The following GRIK1 variants were observed in gnomAD, a reference collection of about 807,000 sequenced individuals.
GRIK1 encodes glutamate ionotropic receptor kainate type subunit 1, also known as glutamate receptor ionotropic, kainate 1.
A neutral mutation model predicts 105.7 loss-of-function variants in GRIK1; 69 were observed. The observed-to-expected ratio is 0.65, with a 90% CI of 0.54 to 0.80. The LOEUF is 0.80. Ranked by LOEUF, GRIK1 falls within the 30% of genes least tolerant of loss-of-function variation. The probability of loss-of-function intolerance (pLI) is 0.00; values close to 1 mark genes in which losing one functional copy is unlikely to be tolerated. For synonymous variants in GRIK1, 438 were observed against 431.3 expected, an observed-to-expected ratio of 1.02 and a Z score of -0.19; for missense variants, 1,109 against 1,167.3, an observed-to-expected ratio of 0.95 and a Z score of 0.73.
In GRIK1 at chr21:29,699,912, G is replaced by A. The variant is rs376130763; in HGVS notation, c.119-5849C>T. On this transcript the variant is annotated intron_variant, in intron 1 of 17. Coordinates refer to ENST00000327783, the MANE Select transcript of GRIK1 (RefSeq NM_001330994.2). ...AATCTGCCCACCTTGGCCTCCCAAA[G>A]TGTTGGGATTACAGGCGTGAGCCAC... Among the ~76,000 whole-genome samples the A allele has an allele frequency of 3.2e-3, 485 of 152,278 alleles. 5 individuals carry two copies. The highest frequency in any genetic ancestry group is 0.011 in the African/African-American group (474 of 41,564).
intron 1 of GRIK1, among the ~76,000 whole-genome samples, chr21:29,894,343 G>A (rs927784494): frequency 1.3e-5 from 2 of 152,088 alleles, no homozygotes; most frequent in South Asian, 2.1e-4. Flanking sequence ...AAAGGCCCAA[G>A]AGCCCCTGGA....
chr21:29,843,856 T>C (rs2068043863), intron 1 of GRIK1, among the ~76,000 whole-genome samples: 1 of 152,184 alleles, frequency 6.6e-6, no homozygotes, highest in African/African-American at 2.4e-5. Flanking sequence ...ATTTACACAC[T>C]CACTCCTTCT....
intron 1 of GRIK1, among the ~76,000 whole-genome samples, chr21:29,831,565 A>T (rs959346211): frequency 1.3e-5 from 2 of 152,142 alleles, no homozygotes; most frequent in Non-Finnish European, 2.9e-5. Context: ...AACATCTTAC[A>T]TGGCCAGAAG....
rs528830566 is a variant in GRIK1 at position 29,722,591 on chromosome 21, A to C, written c.119-28528T>G. ...AAATAAATAAAAGTAAAAAAAAAAA[A>C]AAAACTCCCAAACTAATACTTTTAT... On this transcript the variant is annotated intron_variant, in intron 1 of 17. Coordinates refer to ENST00000327783, the MANE Select transcript of GRIK1 (RefSeq NM_001330994.2). Among the ~76,000 whole-genome samples, 21 of 151,880 alleles carry C rather than the reference A, an allele frequency of 1.4e-4. No homozygotes were observed. In the South Asian group the frequency reaches 1.9e-3, roughly 14 times the overall value.
chr21:29,713,507 T>C (rs909187652), intron 1 of GRIK1, among the ~76,000 whole-genome samples: 1 of 152,206 alleles, frequency 6.6e-6, no homozygotes, highest in African/African-American at 2.4e-5. Context: ...ATTTGGAATT[T>C]ATCTTGAGGC....
intron 1 of GRIK1, among the ~76,000 whole-genome samples, chr21:29,879,995 T>TC (rs2069344534): frequency 2.0e-5 from 3 of 152,112 alleles, no homozygotes; most frequent in Non-Finnish European, 2.9e-5. Flanking sequence ...ACAGTAATAG[T>TC]TCCCTGAAGC....
intron 1 of GRIK1, among the ~76,000 whole-genome samples, chr21:29,887,239 C>G (rs1460682790): frequency 6.6e-6 from 1 of 152,094 alleles, no homozygotes; most frequent in African/African-American, 2.4e-5. Context: ...TTTGTTGCAT[C>G]CCAAAAATTT....
chr21:29,734,406 C>CTTTTCTTTTCTTTT (rs2064727063), intron 1 of GRIK1, among the ~76,000 whole-genome samples: 1 of 56,712 alleles, frequency 1.8e-5, no homozygotes, highest in African/African-American at 6.0e-5. Context: ...CTTTTCTTTT[C>CTTTTCTTTTCTTTT]TTTTCTTTTC....
At chr21:29,592,242 T>G (rs1314623399) in intron 9 of GRIK1, among the ~76,000 whole-genome samples, 3 of 152,222 alleles carry the variant, frequency 2.0e-5, no homozygotes, top group Admixed American at 2.0e-4. Flanking sequence ...ATTATTTATC[T>G]GTTTACCTGT....
At chr21:29,781,597 C>G (rs574258060) in intron 1 of GRIK1, among the ~76,000 whole-genome samples, 1 of 139,532 alleles carries the variant, frequency 7.2e-6, no homozygotes, top group Admixed American at 7.2e-5. Flanking sequence ...AGATATCTTT[C>G]TGATTTTTTT....
chr21:29,854,880 G>T (rs1288105701), intron 1 of GRIK1, among the ~76,000 whole-genome samples: 1 of 152,090 alleles, frequency 6.6e-6, no homozygotes, highest in African/African-American at 2.4e-5. Context: ...TGGCTGAACT[G>T]ATGTAATGCA....
At chr21:29,831,899 C>T (rs2067652663) in intron 1 of GRIK1, among the ~76,000 whole-genome samples, 1 of 152,150 alleles carries the variant, frequency 6.6e-6, no homozygotes, top group Admixed American at 6.6e-5. Flanking sequence ...AGTCCAAAAT[C>T]TCATCTGGGA....
chr21:29,907,664 T>C (rs1045404987), intron 1 of GRIK1, among the ~76,000 whole-genome samples: 3 of 152,050 alleles, frequency 2.0e-5, no homozygotes, highest in Non-Finnish European at 4.4e-5. Context: ...TCTATATGAA[T>C]GAAAATAAGA....
intron 14 of GRIK1, among the ~76,000 whole-genome samples, chr21:29,563,602 C>T (rs1284731678): frequency 6.6e-6 from 1 of 152,134 alleles, no homozygotes; most frequent in Admixed American, 6.5e-5. Flanking sequence ...TTCAGCCTTG[C>T]AAAGTCTGAT....
At position 29,773,376 on chromosome 21, in the gene GRIK1, T is replaced by C. The variant is rs565827717; in HGVS notation, c.119-79313A>G. On this transcript the variant is annotated intron_variant, in intron 1 of 17. Coordinates refer to ENST00000327783, the MANE Select transcript of GRIK1 (RefSeq NM_001330994.2). ...CACTGACAAATGTTCAGTGACAGGG[T>C]TGGCTTCCCTTCTTCACCTATGTTA... is the stretch of plus-strand genomic sequence containing the variant. 8.5e-5 allele frequency among the ~76,000 whole-genome samples: 13 copies of C among 152,316 alleles called. No homozygotes were observed. The South Asian group carries it at 2.7e-3, about 32-fold the overall frequency.
intron 1 of GRIK1, among the ~76,000 whole-genome samples, chr21:29,882,071 A>G (rs1045799488): frequency 6.6e-6 from 1 of 152,142 alleles, no homozygotes; most frequent in Non-Finnish European, 1.5e-5. Flanking sequence ...TTCACAGATC[A>G]GAACAGAGAC....
rs150695714 is a variant in GRIK1, at chr21:29,797,040, A to C, written c.119-102977T>G. 3.9e-3 allele frequency among the ~76,000 whole-genome samples: 596 copies of C among 152,234 alleles called. 2 individuals are homozygous for C. Among genetic ancestry groups the C allele is most frequent in the African/African-American group, 0.013 (558 of 41,544 alleles). On this transcript the variant is annotated intron_variant, in intron 1 of 17. Transcript: ENST00000327783. ...CTAATGCGTTAGTACAAAAGTAAAC[A>C]TTTTAAATAGCCATAGCAGAAGGTG...
chr21:29,690,022 G>T, intron 2 of GRIK1, 37 bp from the exon 3 acceptor site: 2 of 1,486,598 alleles, frequency 1.3e-6, no homozygotes, highest in Non-Finnish European at 9.3e-7. Flanking sequence ...GGGGAGGGAG[G>T]GCAGGGAAAG....
intron 1 of GRIK1, among the ~76,000 whole-genome samples, chr21:29,725,937 T>C (rs1388102588): frequency 6.6e-6 from 1 of 152,208 alleles, no homozygotes; most frequent in Non-Finnish European, 1.5e-5. Flanking sequence ...TTCCCAAAGG[T>C]ATCTTACAAC....
Sources: allele counts gnomAD v4.1 joint callset (sites outside exome capture counted in the v4.1 genomes callset), GRCh38; gene constraint gnomAD v4.1.1; transcripts MANE v1.5; gene names NCBI Gene and HGNC (gene_info 2026-07-23, HGNC 2026-07-21).